C8orf34: variants seen among roughly 807,000 people sequenced by gnomAD.
C8orf34 encodes chromosome 8 open reading frame 34.
In C8orf34, 65 loss-of-function variants were observed where a neutral mutation model predicts 68.3. The observed-to-expected ratio is 0.95, with a 90% CI of 0.78 to 1.17. The LOEUF is 1.17. Ranked by LOEUF, C8orf34 falls within the 50% of genes most tolerant of loss-of-function variation. The pLI is 0.00. For synonymous variants in C8orf34, 244 were observed against 241.2 expected, an observed-to-expected ratio of 1.01 and a Z score of -0.11; for missense variants, 664 against 655.4, an observed-to-expected ratio of 1.01 and a Z score of -0.14.
At chr8:68,406,791 G>A (rs1241494709) in intron 1 of C8orf34, among the ~76,000 whole-genome samples, 1 of 152,122 alleles carries the variant, frequency 6.6e-6, no homozygotes, top group African/African-American at 2.4e-5. Context: ...CACCACGTCC[G>A]ACCTAGACCA....
At chr8:68,603,560 T>C (rs1392004444) in intron 7 of C8orf34, among the ~76,000 whole-genome samples, 12 of 99,850 alleles carry the variant, frequency 1.2e-4, no homozygotes, top group African/African-American at 6.8e-4. Context: ...TATCTATCTA[T>C]CTATCTATCT....
At position 68,712,574 on chromosome 8, in the gene C8orf34, C is replaced by T. The variant is rs151275346; in HGVS notation, c.1327+3495C>T. On this transcript the variant is annotated intron_variant, in intron 9 of 13. Coordinates refer to ENST00000518698, the MANE Select transcript of C8orf34 (RefSeq NM_052958.4). Reference sequence around the variant, plus strand: ...TCAGACAAAACAAACTTTAAAGCAACAGCAGTTAAAAATAAACAAAGTGGA... The same window carrying T: ...TCAGACAAAACAAACTTTAAAGCAATAGCAGTTAAAAATAAACAAAGTGGA... Among the ~76,000 whole-genome samples, 242 of 152,116 alleles carry T rather than the reference C, an allele frequency of 1.6e-3. 1 individual carries two copies. The highest frequency in any genetic ancestry group is 5.3e-3 in the African/African-American group (222 of 41,514).
At chr8:68,461,257 A>C (rs1811809215) in intron 3 of C8orf34, among the ~76,000 whole-genome samples, 2 of 152,224 alleles carry the variant, frequency 1.3e-5, no homozygotes, top group South Asian at 4.1e-4. Flanking sequence ...AATAAAAAGA[A>C]ATGAACAAAG....
At chr8:68,645,393 T>G (rs933749846) in intron 8 of C8orf34, among the ~76,000 whole-genome samples, 4 of 152,180 alleles carry the variant, frequency 2.6e-5, no homozygotes, top group Admixed American at 6.6e-5. Context: ...TTTGAGAAAC[T>G]CACATTAAAA....
chr8:68,385,683 C>A (rs2591021), intron 1 of C8orf34, among the ~76,000 whole-genome samples: 12,127 of 152,020 alleles, frequency 0.08, 614 homozygotes, highest in Middle Eastern at 0.12. Flanking sequence ...ATTGGAAAAG[C>A]CTTTCATATA....
intron 1 of C8orf34, among the ~76,000 whole-genome samples, chr8:68,368,872 G>A (rs1467081779): frequency 6.6e-6 from 1 of 152,058 alleles, no homozygotes; most frequent in African/African-American, 2.4e-5. Context: ...CTAACATTTG[G>A]TTTAAGATTT....
chr8:68,535,162 A>G (rs1290805014), intron 7 of C8orf34: 5 of 984,866 alleles, frequency 5.1e-6, no homozygotes, highest in East Asian at 1.1e-4. Flanking sequence ...AGCAAAATGT[A>G]TGTGATTGTG....
At chr8:68,455,207 A>C (rs916109807) in intron 3 of C8orf34, among the ~76,000 whole-genome samples, 1 of 152,144 alleles carries the variant, frequency 6.6e-6, no homozygotes, top group Non-Finnish European at 1.5e-5. Context: ...CTTGAGAAGA[A>C]TGTGTATTCT....
chr8:68,808,899 T>G (rs941738727), intron 12 of C8orf34, among the ~76,000 whole-genome samples: 3 of 151,560 alleles, frequency 2.0e-5, no homozygotes, highest in Admixed American at 2.0e-4. Context: ...TTCTTACTCC[T>G]TTATATAGTT....
intron 5 of C8orf34, among the ~76,000 whole-genome samples, chr8:68,509,381 G>C (rs906062436): frequency 6.6e-6 from 1 of 152,216 alleles, no homozygotes; most frequent in Non-Finnish European, 1.5e-5. Context: ...CCTTTTAGCA[G>C]TGTGCACAGG....
At chr8:68,713,861 A>G (rs1377421521) in intron 9 of C8orf34, among the ~76,000 whole-genome samples, 1 of 152,194 alleles carries the variant, frequency 6.6e-6, no homozygotes, top group Non-Finnish European at 1.5e-5. Flanking sequence ...ACAGACCAGT[A>G]TCCTTGATGA....
chr8:68,800,131 T>C (rs1363177569), intron 12 of C8orf34, among the ~76,000 whole-genome samples: 1 of 152,148 alleles, frequency 6.6e-6, no homozygotes, highest in Admixed American at 6.6e-5. Flanking sequence ...ATTGATTAAG[T>C]AGATAGCAGG....
intron 6 of C8orf34, among the ~76,000 whole-genome samples, chr8:68,526,584 G>A (rs1000831743): frequency 6.0e-5 from 9 of 150,806 alleles, no homozygotes; most frequent in Non-Finnish European, 7.4e-5. Context: ...TAGCTCTTAC[G>A]CATAAAAATC....
At position 68,739,043 on chromosome 8, in the gene C8orf34, C is replaced by T. The variant is rs536837961; in HGVS notation, c.1404+17606C>T. Among the ~76,000 whole-genome samples, 4 of 152,106 alleles carry T rather than the reference C, an allele frequency of 2.6e-5. No individual in the cohort carries two copies. The East Asian group carries it at 7.7e-4, about 29-fold the overall frequency. On this transcript the variant is annotated intron_variant, in intron 10 of 13. Coordinates refer to ENST00000518698, the MANE Select transcript of C8orf34 (RefSeq NM_052958.4). ...CTTAATGAATGTTGATGCAAAAATC[C>T]TCAACAAAATACTGGCAAACTGAAA...
intron 5 of C8orf34, among the ~76,000 whole-genome samples, chr8:68,494,182 A>G (rs1813426665): frequency 6.6e-6 from 1 of 152,226 alleles, no homozygotes; most frequent in Admixed American, 6.5e-5. Context: ...ACAATGGAAT[A>G]GTGTTCAGCC....
At chr8:68,584,730 T>G (rs1817159393) in intron 7 of C8orf34, among the ~76,000 whole-genome samples, 1 of 152,144 alleles carries the variant, frequency 6.6e-6, no homozygotes, top group Admixed American at 6.6e-5. Flanking sequence ...GACTGTAACT[T>G]CCTCTGGTCT....
At chr8:68,464,714 T>G (rs1162012505) in intron 3 of C8orf34, among the ~76,000 whole-genome samples, 1 of 150,474 alleles carries the variant, frequency 6.6e-6, no homozygotes, top group East Asian at 1.9e-4. Context: ...ATTCCCTATT[T>G]AATAAATGGT....
Position 68,406,786 on chromosome 8 carries a change from C to T in C8orf34, c.328-32713C>T, listed in dbSNP as rs376687388. On this transcript the variant is annotated intron_variant, in intron 1 of 13. Coordinates refer to ENST00000518698, the MANE Select transcript of C8orf34 (RefSeq NM_052958.4). ...CTGGGATTACAGGCATGAGCCACCA[C>T]GTCCGACCTAGACCAGTAGCTTCTA... 2.5e-4 allele frequency among the ~76,000 whole-genome samples: 38 copies of T among 152,284 alleles called. 2 individuals are homozygous for T. The highest frequency in any genetic ancestry group is 1.9e-3 in the Admixed American group (29 of 15,292).
chr8:68,630,223 TA>T (rs1563573491), intron 7 of C8orf34, among the ~76,000 whole-genome samples: 1 of 152,134 alleles, frequency 6.6e-6, no homozygotes. Context: ...GTACTCACAT[TA>T]AAAAAGGAAA....
Sources: allele counts gnomAD v4.1 joint callset (sites outside exome capture counted in the v4.1 genomes callset), GRCh38; gene constraint gnomAD v4.1.1; transcripts MANE v1.5; gene names NCBI Gene and HGNC (gene_info 2026-07-23, HGNC 2026-07-21).